The following CNTN1 variants were observed in gnomAD, a reference collection of about 807,000 sequenced individuals.
CNTN1 encodes contactin 1, also known as contactin-1.
In CNTN1, 38 loss-of-function variants were observed where a neutral mutation model predicts 126.4. The observed-to-expected ratio is 0.30, with a 90% confidence interval of 0.23 to 0.39. CNTN1 has a LOEUF of 0.39. CNTN1 is among the 10% of genes least tolerant of loss of function. The pLI, the probability that CNTN1 is intolerant of heterozygous loss-of-function variation, is 1.00. For synonymous variants in CNTN1, 413 were observed against 422.6 expected, an observed-to-expected ratio of 0.98 and a Z score of 0.28; for missense variants, 1,009 against 1,248.4, an observed-to-expected ratio of 0.81 and a Z score of 2.89.
chr12:40,792,164 A>C (rs1424802933), intron 1 of CNTN1, among the ~76,000 whole-genome samples: 1 of 152,096 alleles, frequency 6.6e-6, no homozygotes, highest in African/African-American at 2.4e-5. Flanking sequence ...TCCTCAGAGG[A>C]TGATTCCTTG....
intron 1 of CNTN1, among the ~76,000 whole-genome samples, chr12:40,799,701 G>A (rs1940572687): frequency 6.6e-6 from 1 of 151,952 alleles, no homozygotes; most frequent in African/African-American, 2.4e-5. Context: ...GAAGCATAAA[G>A]CATGGTGACA....
chr12:41,068,703 GATA>G (rs1420888475), intron 23 of CNTN1, among the ~76,000 whole-genome samples: 1 of 152,210 alleles, frequency 6.6e-6, no homozygotes, highest in Non-Finnish European at 1.5e-5. Context: ...TAATGTGATA[GATA>G]ATAATAATTT....
At chr12:41,013,327 G>T (rs1948709349) in intron 17 of CNTN1, among the ~76,000 whole-genome samples, 1 of 152,070 alleles carries the variant, frequency 6.6e-6, no homozygotes, top group African/African-American at 2.4e-5. Context: ...GCATTCACCC[G>T]TTCAAGCTCC....
intron 1 of CNTN1, among the ~76,000 whole-genome samples, chr12:40,716,234 G>GTC (rs916972890): frequency 1.3e-4 from 19 of 150,598 alleles, no homozygotes; most frequent in Admixed American, 6.0e-4. Context: ...CTCTCTCTGT[G>GTC]TCTCTCTCTC....
chr12:40,918,231 C>A (rs554391933), intron 3 of CNTN1, among the ~76,000 whole-genome samples: 2 of 152,126 alleles, frequency 1.3e-5, no homozygotes, highest in South Asian at 4.2e-4. Context: ...CAATAAAAGC[C>A]AGGAGAGATG....
At chr12:40,767,676 C>G (rs1450686918) in intron 1 of CNTN1, among the ~76,000 whole-genome samples, 1 of 151,854 alleles carries the variant, frequency 6.6e-6, no homozygotes, top group Non-Finnish European at 1.5e-5. Context: ...CTCTGTCGCC[C>G]AGGCTGGAGT....
intron 1 of CNTN1, among the ~76,000 whole-genome samples, chr12:40,718,427 C>T (rs1255055137): frequency 1.3e-5 from 2 of 152,120 alleles, no homozygotes; most frequent in African/African-American, 2.4e-5. Flanking sequence ...AATCCGCCCG[C>T]CTGGGCCTCC....
At chr12:40,915,658 A>C (rs1312575847) in intron 3 of CNTN1, among the ~76,000 whole-genome samples, 1 of 152,146 alleles carries the variant, frequency 6.6e-6, no homozygotes, top group East Asian at 1.9e-4. Context: ...TTAACCCTGA[A>C]GACCTGAGAT....
chr12:40,707,227 C>CTTTTTTTTTTTTTTTTTTTTTTTTT (rs370984371), intron 1 of CNTN1, among the ~76,000 whole-genome samples: 17 of 109,166 alleles, frequency 1.6e-4, no homozygotes, highest in African/African-American at 3.5e-4. Flanking sequence ...TTTTCTTTTT[C>CTTTTTTTTTTTTTTTTTTTTTTTTT]TTTTTTTTTT....
chr12:40,862,914 C>A (rs1215052059), intron 1 of CNTN1, among the ~76,000 whole-genome samples: 1 of 152,136 alleles, frequency 6.6e-6, no homozygotes, highest in Non-Finnish European at 1.5e-5. Flanking sequence ...TGAAATCTAC[C>A]ATTACTATAA....
intron 1 of CNTN1, among the ~76,000 whole-genome samples, chr12:40,776,904 G>A (rs980564737): frequency 2.6e-5 from 4 of 151,408 alleles, no homozygotes; most frequent in Admixed American, 1.3e-4. Context: ...ATTTTCTCTG[G>A]CCACACTTTT....
rs937462249 is a variant in CNTN1 at position 40,933,698 on chromosome 12, C to A, written c.805C>A (p.Pro269Thr). 2 of 1,612,504 alleles carry A rather than the reference C, an allele frequency of 1.2e-6. No homozygotes were observed. The highest frequency in any genetic ancestry group is 1.7e-6 in the Non-Finnish European group (2 of 1,178,900). The change falls in exon 9 of 24, where the codon CCT becomes ACT. Residue 269 changes from proline to threonine, a missense_variant and splice_region_variant. Physicochemically the swap from Pro to Thr is conservative, Grantham distance 38. Transcript: ENST00000551295. ...AACCCTTGTATCTTCTATTTAAAGT[C>A]CTGTTCCGGATATCCGATGGCGGAA... ...VTLECFALGN[P>T]VPDIRWRKVL...
At chr12:40,958,116 C>T (rs1566036515) in intron 14 of CNTN1, among the ~76,000 whole-genome samples, 1 of 151,954 alleles carries the variant, frequency 6.6e-6, no homozygotes. Context: ...AAGAAAATAT[C>T]TTGGAGATAA....
At chr12:41,009,247 C>G (rs947139302) in intron 17 of CNTN1, among the ~76,000 whole-genome samples, 3 of 152,162 alleles carry the variant, frequency 2.0e-5, no homozygotes, top group Admixed American at 2.0e-4. Flanking sequence ...GATGGTGGAA[C>G]CCTCTGATAG....
chr12:40,811,041 T>C (rs1390176194), intron 1 of CNTN1, among the ~76,000 whole-genome samples: 3 of 152,300 alleles, frequency 2.0e-5, no homozygotes, highest in Middle Eastern at 3.4e-3. Flanking sequence ...TAATATTTAA[T>C]TGCGTGTACA....
intron 3 of CNTN1, 63 bp from the exon 4 acceptor site, chr12:40,918,571 TCAATG>T: frequency 7.1e-7 from 1 of 1,404,724 alleles, no homozygotes; most frequent in Admixed American, 1.8e-5. Flanking sequence ...TAATTTTTTT[TCAATG>T]TTCTCAAATT....
chr12:40,963,685 G>A (rs1355889491), intron 15 of CNTN1, among the ~76,000 whole-genome samples: 1 of 151,808 alleles, frequency 6.6e-6, no homozygotes, highest in East Asian at 1.9e-4. Flanking sequence ...TTAGGCTTCT[G>A]GTATAAAAGT....
chr12:40,828,362 A>G (rs1941688640), intron 1 of CNTN1: 1 of 152,166 alleles, frequency 6.6e-6, no homozygotes, highest in African/African-American at 2.4e-5. Context: ...CTGAGTTAGG[A>G]TAATGGTGAT....
At chr12:40,808,240 C>G (rs7487913) in intron 1 of CNTN1, among the ~76,000 whole-genome samples, 85,400 of 151,956 alleles carry the variant, frequency 0.56, 24,410 homozygotes, top group East Asian at 0.77. Context: ...GGGTTAGTTA[C>G]GGTTAATTAT....
Sources: gnomAD v4.1 joint callset for allele counts (sites outside exome capture counted in the v4.1 genomes callset) on GRCh38, gnomAD v4.1.1 for gene constraint, MANE v1.5 for transcripts, NCBI Gene and HGNC (gene_info 2026-07-23, HGNC 2026-07-21) for gene names.